Variants in PROSER2 observed in about 807,000 individuals in gnomAD.
PROSER2 encodes proline and serine-rich protein 2.
A neutral mutation model predicts 14.6 loss-of-function variants in PROSER2; 18 were observed. The ratio of observed to expected loss-of-function variants is 1.23; its 90% CI spans 0.85 to 1.83. The LOEUF is 1.83. Among genes scored for constraint, PROSER2 ranks in the 40% most tolerant of loss-of-function variants. The pLI is 0.00. For synonymous variants in PROSER2, 367 were observed against 286.4 expected (o/e 1.28, Z -2.84); for missense variants, 823 against 629.8 (o/e 1.31, Z -3.28).
intron 1 of PROSER2, among the ~76,000 whole-genome samples, chr10:11,835,042 A>G (rs1833741199): frequency 6.6e-6 from 1 of 151,324 alleles, no homozygotes; most frequent in Non-Finnish European, 1.5e-5. Flanking sequence ...GGGAGGCAGA[A>G]GTTGCAGTGA....
rs192585501 is a variant in PROSER2, at chr10:11,829,023, G to T, written c.-82+5553G>T. On this transcript the variant is annotated intron_variant, in intron 1 of 3. Transcript: ENST00000277570. Reference sequence around the variant, plus strand: ...CCAACATGGTGGAATTGAGGAGTCAGTTATTATGCCGCAAGGGGTTAGCCT... The same window carrying T: ...CCAACATGGTGGAATTGAGGAGTCATTTATTATGCCGCAAGGGGTTAGCCT... Among the ~76,000 whole-genome samples the T allele has an allele frequency of 3.1e-3, 479 of 152,260 alleles. 5 individuals carry two copies. The highest frequency in any genetic ancestry group is 0.011 in the African/African-American group (465 of 41,540).
At chr10:11,868,788 C>T (rs1253709582) in intron 3 of PROSER2, among the ~76,000 whole-genome samples, 1 of 152,136 alleles carries the variant, frequency 6.6e-6, no homozygotes, top group Non-Finnish European at 1.5e-5. Context: ...GTAGCTGGGA[C>T]TATAGGCACA....
chr10:11,830,110 C>T lies in PROSER2; in HGVS notation c.-82+6640C>T, dbSNP rs987416310. ...CACCTACCTCAGCCTCCCAAAGTGC[C>T]GGGATTACAGGTGTGAGCCACTGTG... On this transcript the variant is annotated intron_variant, in intron 1 of 3. Transcript: ENST00000277570. This position sits in a 1 kb window ranked among gnomAD's most constrained non-coding sequence, Gnocchi z 4.5. Among the ~76,000 whole-genome samples the T allele has an allele frequency of 1.8e-4, 27 of 151,970 alleles. No homozygotes were observed. Among genetic ancestry groups the T allele is most frequent in the African/African-American group, 6.5e-4 (27 of 41,396 alleles).
chr10:11,842,928 G>GTTTTTTTTTTTTTTTT (rs1554766492), intron 1 of PROSER2, among the ~76,000 whole-genome samples: 1 of 51,712 alleles, frequency 1.9e-5, no homozygotes, highest in Non-Finnish European at 4.3e-5. Flanking sequence ...TTTTGCCATT[G>GTTTTTTTTTTTTTTTT]TTCTTTTTTT....
chr10:11,863,210 G>A (rs1025281891), intron 2 of PROSER2, among the ~76,000 whole-genome samples: 1 of 152,128 alleles, frequency 6.6e-6, no homozygotes, highest in African/African-American at 2.4e-5. Flanking sequence ...AAACAACAGT[G>A]TACTATGCTT....
rs775619900 is a variant in PROSER2, at chr10:11,852,195, C to T, written c.118C>T (p.Arg40Cys). The change falls in exon 2 of 4, where the codon CGC becomes TGC. Residue 40 changes from arginine (R) to cysteine (C), a missense_variant. Physicochemically the swap from Arg to Cys is radical, Grantham distance 180. Coordinates refer to ENST00000277570, the MANE Select transcript of PROSER2 (RefSeq NM_153256.4). The part of the protein sequence containing the change: ...GSLESRSSSS[R>C]SRSFTLDDES... The stretch of plus-strand genomic sequence containing the variant: ...CCTGGAGAGTCGAAGCAGCAGCTCT[C>T]GCTCCAGAAGCTTCACTTTGGTGAG... 7 of 1,611,674 alleles carry T rather than the reference C, an allele frequency of 4.3e-6. No individual in the cohort carries two copies. Among genetic ancestry groups the T allele is most frequent in the African/African-American group, 4.0e-5 (3 of 74,846 alleles).
At position 11,838,666 on chromosome 10, in the gene PROSER2, T is replaced by C. The variant is rs1258449664; in HGVS notation, c.-81-13331T>C. Among the ~76,000 whole-genome samples the C allele has an allele frequency of 6.6e-6, 1 of 152,238 alleles. No homozygotes were observed. Among genetic ancestry groups the C allele is most frequent in the Non-Finnish European group, 1.5e-5 (1 of 68,042 alleles). ...GACCCACATTCTTGCTGACACTTGT[T>C]ATTTTTTGTCTAATTTTTGCCACTC... On this transcript the variant is annotated intron_variant, in intron 1 of 3. Coordinates refer to ENST00000277570, the MANE Select transcript of PROSER2 (RefSeq NM_153256.4). This position sits in a 1 kb window ranked among gnomAD's most constrained non-coding sequence, Gnocchi z 4.4.
chr10:11,852,214 TG>T lies in PROSER2; in HGVS notation c.138+1del. Reference protein sequence around the residue: ...SSSSRSRSFTLDDESLKYLTH... With the variant: ...SSSSRSRSFTXDDESLKYLTH... ...AGCTCTCGCTCCAGAAGCTTCACTT[TG>T]GTGAGTGACAGTTTTTCTTTCATGC... On this transcript the variant is annotated frameshift_variant and splice_region_variant, in exon 2 of 4. Transcript: ENST00000277570. LOFTEE classifies it high-confidence loss of function. The T allele has an allele frequency of 6.2e-7, 1 of 1,601,470 alleles. No homozygotes were observed.
chr10:11,838,201 C>T lies in PROSER2; in HGVS notation c.-81-13796C>T, dbSNP rs903622336. Among the ~76,000 whole-genome samples, 4 of 151,976 alleles carry T rather than the reference C, an allele frequency of 2.6e-5. No homozygotes were observed. The highest frequency in any genetic ancestry group is 2.0e-4 in the Admixed American group (3 of 15,270). On this transcript the variant is annotated intron_variant, in intron 1 of 3. Transcript: ENST00000277570. The surrounding 1 kb of genome is among the most constrained non-coding windows in gnomAD (Gnocchi z 4.4). ...AGGTCATGCCCCCGACACACACTCA[C>T]CCCCCAGACTCACCAGTGGCATTCG...
intron 1 of PROSER2, among the ~76,000 whole-genome samples, chr10:11,824,482 T>C (rs898826792): frequency 6.6e-6 from 1 of 152,226 alleles, no homozygotes; most frequent in Admixed American, 6.5e-5. Context: ...CAGCATGCAC[T>C]AAAAAGTTTG....
intron 3 of PROSER2, among the ~76,000 whole-genome samples, chr10:11,867,135 G>A (rs1254431728): frequency 6.6e-6 from 1 of 151,846 alleles, no homozygotes; most frequent in Non-Finnish European, 1.5e-5. Flanking sequence ...CATGGTGACG[G>A]GTGCCTGTAG....
intron 3 of PROSER2, among the ~76,000 whole-genome samples, chr10:11,867,565 A>C (rs139027867): frequency 9.7e-4 from 147 of 152,322 alleles, no homozygotes; most frequent in African/African-American, 3.4e-3. Context: ...CAGAGGTTGC[A>C]GTGAGCTGAG....
chr10:11,831,113 T>G lies in PROSER2; in HGVS notation c.-82+7643T>G, dbSNP rs140173168. On this transcript the variant is annotated intron_variant, in intron 1 of 3. Transcript: ENST00000277570. ...TAAGATATGTAAATCAGACCACGGC[T>G]GCCAGTCTAACCAGGTGTTATAAAT... 2.9e-3 allele frequency among the ~76,000 whole-genome samples: 435 copies of G among 152,336 alleles called. 1 individual carries two copies. Among genetic ancestry groups the G allele is most frequent in the African/African-American group, 0.01 (416 of 41,584 alleles).
rs72775907 is a variant in PROSER2 at position 11,866,108 on chromosome 10, C to G, written c.139-423C>G. On this transcript the variant is annotated intron_variant, in intron 2 of 3. Coordinates refer to ENST00000277570, the MANE Select transcript of PROSER2 (RefSeq NM_153256.4). This position sits in a 1 kb window ranked among gnomAD's most constrained non-coding sequence, Gnocchi z 6.0. ...GTGATTTGTGCCTTAAAAAAAAAAT[C>G]CCTTCGTTTTAGTACGGTTTCTGGT... Among the ~76,000 whole-genome samples, 17,233 of 128,006 alleles carry G rather than the reference C, an allele frequency of 0.13. 1,156 individuals carry two copies. Among genetic ancestry groups the G allele is most frequent in the Non-Finnish European group, 0.19 (10,324 of 54,462 alleles). The allele number at this position is 128,006 out of a possible 152,430, so 84.0% of individuals were successfully genotyped here.
At chr10:11,834,408 G>A (rs913367315) in intron 1 of PROSER2, among the ~76,000 whole-genome samples, 2 of 151,888 alleles carry the variant, frequency 1.3e-5, no homozygotes, top group Non-Finnish European at 2.9e-5. Context: ...CTTACAGATC[G>A]GCTCCTTGGC....
chr10:11,836,518 T>A lies in PROSER2; in HGVS notation c.-82+13048T>A, dbSNP rs1302309090. Among the ~76,000 whole-genome samples, 8 of 152,132 alleles carry A rather than the reference T, an allele frequency of 5.3e-5. No individual in the cohort carries two copies. The highest frequency in any genetic ancestry group is 5.2e-4 in the Admixed American group (8 of 15,260). On this transcript the variant is annotated intron_variant, in intron 1 of 3. Transcript: ENST00000277570. This position sits in a 1 kb window ranked among gnomAD's most constrained non-coding sequence, Gnocchi z 4.6. ...GGCCAGGATGTCGCTTTAAAGACAA[T>A]TTCTTTCCTAAGATATGTTTATTCT...
At position 11,856,665 on chromosome 10, in the gene PROSER2, G is replaced by A. The variant is rs137863581; in HGVS notation, c.138+4450G>A. Among the ~76,000 whole-genome samples, 14 of 152,314 alleles carry A rather than the reference G, an allele frequency of 9.2e-5. 1 individual carries two copies. In the East Asian group the frequency reaches 1.9e-3, roughly 21 times the overall value. On this transcript the variant is annotated intron_variant, in intron 2 of 3. Coordinates refer to ENST00000277570, the MANE Select transcript of PROSER2 (RefSeq NM_153256.4). The surrounding 1 kb of genome is among the most constrained non-coding windows in gnomAD (Gnocchi z 5.3). ...AATCCCCCTCTCCCTACGCCCACAA[G>A]TGCTGTGGCCCTGAAGTCACACAGC...
intron 1 of PROSER2, among the ~76,000 whole-genome samples, chr10:11,834,405 A>T (rs1256760082): frequency 6.6e-6 from 1 of 151,698 alleles, no homozygotes; most frequent in East Asian, 2.0e-4. Context: ...GTTCTTACAG[A>T]TCGGCTCCTT....
intron 1 of PROSER2, among the ~76,000 whole-genome samples, chr10:11,842,257 T>A (rs1833855202): frequency 6.6e-6 from 1 of 152,156 alleles, no homozygotes; most frequent in Admixed American, 6.6e-5. Context: ...ATGTTTTTAT[T>A]TTAACTGGAT....
Sources: allele counts gnomAD v4.1 joint callset (sites outside exome capture counted in the v4.1 genomes callset), GRCh38; gene constraint gnomAD v4.1.1; non-coding constraint Gnocchi (gnomAD v3.1); transcripts MANE v1.5; gene names NCBI Gene and HGNC (gene_info 2026-07-23, HGNC 2026-07-21).